Variants in BCAR3 observed in about 807,000 individuals in gnomAD.
BCAR3 encodes BCAR3 adaptor protein, NSP family member, also known as breast cancer anti-estrogen resistance protein 3.
BCAR3 carries 37 observed loss-of-function variants against 80.1 expected under a neutral mutation model. The ratio of observed to expected loss-of-function variants is 0.46; its 90% CI spans 0.36 to 0.61. The LOEUF (loss-of-function observed/expected upper bound fraction) is 0.61. Among genes scored for constraint, BCAR3 ranks in the 20% least tolerant of loss-of-function variants. The probability of loss-of-function intolerance (pLI) is 0.00; values close to 1 mark genes in which losing one functional copy is unlikely to be tolerated. For synonymous variants in BCAR3, 389 were observed against 418.9 expected (o/e 0.93, Z 0.87); for missense variants, 978 against 1,068.2 (o/e 0.92, Z 1.18).
At chr1:93,588,766 G>A (rs12724319) in intron 5 of BCAR3, among the ~76,000 whole-genome samples, 2,532 of 142,572 alleles carry the variant, frequency 0.018, 38 homozygotes, top group Middle Eastern at 0.027. Context: ...AGCACCCCCC[G>A]AAATTCTTCC....
chr1:93,620,697 T>C (rs1675279298), intron 3 of BCAR3, among the ~76,000 whole-genome samples: 1 of 152,184 alleles, frequency 6.6e-6, no homozygotes, highest in Admixed American at 6.5e-5. Flanking sequence ...GGAACAGATC[T>C]TCCACATGTG....
At chr1:93,707,167 C>T (rs1571062788) in intron 2 of BCAR3, among the ~76,000 whole-genome samples, 1 of 151,774 alleles carries the variant, frequency 6.6e-6, no homozygotes, top group African/African-American at 2.4e-5. Flanking sequence ...AACAGCAAGA[C>T]TCCATCTCAA....
At chr1:93,723,331 G>A (rs1052269898) in intron 2 of BCAR3, 5 of 152,278 alleles carry the variant, frequency 3.3e-5, no homozygotes, top group African/African-American at 1.2e-4. Context: ...TTCCTTTAGG[G>A]AAAGGCCATC....
At position 93,589,127 on chromosome 1, in the gene BCAR3, C is replaced by T. The variant is rs139230782; in HGVS notation, c.779G>A (p.Arg260Gln). ...FQPINRTVPL[R>Q]CLEEHYGTSP... is the part of the protein sequence containing the mutation. ...GGTGCCATAATGCTCCTCCAGGCAC[C>T]GCAGAGGCACCGTCCTGTTGATGGG... Residue 260 changes from arginine (R) to glutamine (Q), a missense_variant, in exon 5 of 12, where the codon CGG (arginine) becomes CAG (glutamine). Arg to Gln is a conservative substitution (Grantham distance 43, BLOSUM62 1). Coordinates refer to ENST00000260502, the MANE Select transcript of BCAR3 (RefSeq NM_003567.4). The T allele has an allele frequency of 6.2e-4, 995 of 1,613,112 alleles. 4 individuals are homozygous for T. The highest frequency in any genetic ancestry group is 3.1e-4 in the Non-Finnish European group (362 of 1,179,564).
chr1:93,728,796 G>C (rs990857514), intron 2 of BCAR3, among the ~76,000 whole-genome samples: 5 of 152,106 alleles, frequency 3.3e-5, no homozygotes, highest in African/African-American at 1.2e-4. Flanking sequence ...TCAACATCCA[G>C]CCATCTGTGT....
chr1:93,784,295 T>C (rs533597322), intron 2 of BCAR3, among the ~76,000 whole-genome samples: 2 of 151,508 alleles, frequency 1.3e-5, no homozygotes, highest in South Asian at 2.1e-4. Context: ...TAATGAACAG[T>C]AAGGGAATAA....
At chr1:93,605,319 C>G (rs920491693) in intron 3 of BCAR3, 4 of 152,244 alleles carry the variant, frequency 2.6e-5, no homozygotes, top group African/African-American at 9.6e-5. Flanking sequence ...CCAGTCCAAC[C>G]TACTGTGAAA....
At chr1:93,600,042 T>G (rs1674570093) in intron 3 of BCAR3, among the ~76,000 whole-genome samples, 1 of 152,158 alleles carries the variant, frequency 6.6e-6, no homozygotes, top group Non-Finnish European at 1.5e-5. Flanking sequence ...GTTCAGAGAT[T>G]TTAGTCCAAG....
intron 2 of BCAR3, among the ~76,000 whole-genome samples, chr1:93,767,443 G>A (rs1652193833): frequency 6.6e-6 from 1 of 151,584 alleles, no homozygotes. Context: ...AGGATCACTT[G>A]AGCCTGGGAA....
At chr1:93,576,204 G>C in intron 7 of BCAR3, 75 bp from the exon 8 acceptor site, 4 of 1,080,692 alleles carry the variant, frequency 3.7e-6, no homozygotes, top group Non-Finnish European at 5.7e-6. Flanking sequence ...CATATGAGAA[G>C]AAACACACTG....
chr1:93,589,176 G>A lies in BCAR3; in HGVS notation c.730C>T (p.Gln244Ter). ...GGCTGGAAGATGATGGCGCCACTCT[G>A]CTGGGAGATGGGCCGGCGGTTGCCC... The part of the protein sequence containing the change: ...YVGNRRPISQ[Q>*]SGAIIFQPIN... The change falls in exon 5 of 12, where the codon CAG becomes TAG. Residue 244 changes from glutamine to a stop codon, truncating the protein, a stop_gained. Transcript: ENST00000260502. LOFTEE classifies it high-confidence loss of function. The A allele has an allele frequency of 6.2e-7, 1 of 1,613,900 alleles. No homozygotes were observed. The highest frequency in any genetic ancestry group is 8.5e-7 in the Non-Finnish European group (1 of 1,179,970).
intron 2 of BCAR3, among the ~76,000 whole-genome samples, chr1:93,718,145 G>A (rs1292288970): frequency 6.6e-6 from 1 of 152,130 alleles, no homozygotes; most frequent in African/African-American, 2.4e-5. Flanking sequence ...CATTCTTGTA[G>A]CAGATGTTGA....
chr1:93,606,646 A>G (rs962112803), intron 3 of BCAR3, among the ~76,000 whole-genome samples: 1 of 152,178 alleles, frequency 6.6e-6, no homozygotes, highest in African/African-American at 2.4e-5. Context: ...CTATGGACAT[A>G]GGTTGACTGG....
intron 3 of BCAR3, among the ~76,000 whole-genome samples, chr1:93,693,946 T>G (rs962308266): frequency 6.6e-6 from 1 of 152,244 alleles, no homozygotes; most frequent in Non-Finnish European, 1.5e-5. Context: ...CTTGGCACTC[T>G]GTGTGCTTTG....
intron 2 of BCAR3, among the ~76,000 whole-genome samples, chr1:93,749,331 G>A (rs181481702): frequency 6.6e-6 from 1 of 152,238 alleles, no homozygotes; most frequent in African/African-American, 2.4e-5. Context: ...GATCACGCCT[G>A]TAATCCCAGC....
rs1292434971 is a variant in BCAR3 at position 93,589,381 on chromosome 1, T to G, written c.525A>C (p.Leu175=). 1.2e-6 allele frequency: 2 copies of G among 1,613,604 alleles called. No homozygotes were observed. Among genetic ancestry groups the G allele is most frequent in the Non-Finnish European group, 1.7e-6 (2 of 1,179,988 alleles). The change falls in exon 5 of 12, where the codon CTA becomes CTC. Residue 175 remains leucine, a synonymous_variant. Coordinates refer to ENST00000260502, the MANE Select transcript of BCAR3 (RefSeq NM_003567.4). ...CAGGGCTGGACAGAGAGTCACGAAC[T>G]AGGAAGTCACCATCTCGCTGCACAA... ...ENLVQRDGDF[L]VRDSLSSPGN...
At chr1:93,661,092 T>C (rs565621581) in intron 2 of BCAR3, among the ~76,000 whole-genome samples, 63 of 152,094 alleles carry the variant, frequency 4.1e-4, no homozygotes, top group Non-Finnish European at 8.5e-4. Flanking sequence ...CAGGCTGGAG[T>C]GCAATGGCAT....
intron 11 of BCAR3, among the ~76,000 whole-genome samples, chr1:93,562,876 T>C (rs768030581): frequency 9.3e-5 from 14 of 151,026 alleles, no homozygotes; most frequent in Admixed American, 9.2e-4. Flanking sequence ...AAGAAAAATA[T>C]AGGATCTGTT....
intron 2 of BCAR3, among the ~76,000 whole-genome samples, chr1:93,756,575 C>T (rs1180632214): frequency 6.6e-6 from 1 of 152,186 alleles, no homozygotes; most frequent in African/African-American, 2.4e-5. Context: ...TAAAGCAAGT[C>T]AGTATATGTG....
Sources: gnomAD v4.1 joint callset for allele counts (sites outside exome capture counted in the v4.1 genomes callset) on GRCh38, gnomAD v4.1.1 for gene constraint, MANE v1.5 for transcripts, NCBI Gene and HGNC (gene_info 2026-07-23, HGNC 2026-07-21) for gene names.